F5: variants seen among roughly 807,000 people sequenced by gnomAD.
F5 encodes the protein activated protein c cofactor.
F5 carries 138 observed loss-of-function variants against 216.4 expected under a neutral mutation model. The ratio of observed to expected loss-of-function variants is 0.64; its 90% CI spans 0.56 to 0.73. F5 has a LOEUF of 0.73. Ranked by LOEUF, F5 falls within the 30% of genes least tolerant of loss-of-function variation. The pLI is 0.00. For missense variants in F5, 2,403 were observed against 2,674.0 expected (o/e 0.90, Z 2.24); for synonymous variants, 916 against 930.7 (o/e 0.98, Z 0.29).
At chr1:169,582,828 T>C (rs1020919030) in intron 1 of F5, among the ~76,000 whole-genome samples, 1 of 152,216 alleles carries the variant, frequency 6.6e-6, no homozygotes, top group Non-Finnish European at 1.5e-5. Context: ...AAACTGTAGG[T>C]TTAGATTTTA....
chr1:169,532,794 C>T (rs10919184), intron 14 of F5, among the ~76,000 whole-genome samples: 8,235 of 152,190 alleles, frequency 0.054, 345 homozygotes, highest in Admixed American at 0.1. Context: ...TTAAAATAGC[C>T]ATTGTGCCCA....
chr1:169,526,120 T>G, intron 17 of F5, 103 bp from the exon 18 acceptor site: 2 of 795,100 alleles, frequency 2.5e-6, no homozygotes, highest in South Asian at 2.8e-5. Flanking sequence ...CAAGAGGCTT[T>G]CAAATAGAAT....
intron 1 of F5, among the ~76,000 whole-genome samples, chr1:169,585,654 A>G (rs1018278506): frequency 2.6e-5 from 4 of 152,224 alleles, no homozygotes; most frequent in African/African-American, 9.6e-5. Flanking sequence ...TCAATAGGAT[A>G]AATAAGTCAA....
intron 4 of F5, 57 bp from the exon 5 acceptor site, chr1:169,559,353 T>G: frequency 6.3e-7 from 1 of 1,577,452 alleles, no homozygotes. Context: ...GCTCATTAGC[T>G]TTCCTGGATA....
chr1:169,516,387 G>A lies in F5; in HGVS notation c.6346-761C>T, dbSNP rs114401785. 2.5e-3 allele frequency among the ~76,000 whole-genome samples: 381 copies of A among 152,170 alleles called. 1 individual carries two copies. Among genetic ancestry groups the A allele is most frequent in the African/African-American group, 8.6e-3 (358 of 41,532 alleles). ...AATTTTTACCTTTGGGAGATTTATCGTCTACCATAACCTCATTCAATTCTA... is the reference window on the plus strand; with the variant it reads ...AATTTTTACCTTTGGGAGATTTATCATCTACCATAACCTCATTCAATTCTA... On this transcript the variant is annotated intron_variant, in intron 23 of 24. Transcript: ENST00000367797.
chr1:169,567,542 C>CT (rs35544182), intron 3 of F5, among the ~76,000 whole-genome samples: 154 of 141,412 alleles, frequency 1.1e-3, no homozygotes, highest in Middle Eastern at 3.8e-3. Flanking sequence ...GGTAAAAGTA[C>CT]TTTTTTTTTT....
Position 169,530,823 on chromosome 1 carries a change from G to T in F5, c.5171C>A (p.Ala1724Asp). The T allele has an allele frequency of 6.2e-7, 1 of 1,613,904 alleles. No individual in the cohort carries two copies. Among genetic ancestry groups the T allele is most frequent in the Non-Finnish European group, 8.5e-7 (1 of 1,179,810 alleles). The change falls in exon 15 of 25, where the codon GCC becomes GAC. Residue 1724 changes from alanine (A) to aspartate (D), a missense_variant. By Grantham distance (126) the Ala-to-Asp change is moderately radical. This residue lies in a region of F5 where 659 missense variants were observed against 787.9 expected (regional missense o/e 0.84). Transcript: ENST00000367797. The part of the protein sequence containing the change: ...ERSGPESPGS[A>D]CRAWAYYSAV... ...TGAGTAGTAGGCCCAAGCCCGACAG[G>T]CAGAGCCAGGACTTTCTGGCCCTGA...
At chr1:169,539,882 CTAAACAAGTA>C (rs1312184890) in intron 13 of F5, among the ~76,000 whole-genome samples, 1 of 152,140 alleles carries the variant, frequency 6.6e-6, no homozygotes, top group Non-Finnish European at 1.5e-5. Context: ...AAATTCTGAT[CTAAACAAGTA>C]AATGCAAAAA....
At chr1:169,562,542 T>C (rs1356800820) in intron 3 of F5, among the ~76,000 whole-genome samples, 1 of 151,984 alleles carries the variant, frequency 6.6e-6, no homozygotes, top group Non-Finnish European at 1.5e-5. Context: ...CTGGTCTTTA[T>C]TCCTTTTCCC....
chr1:169,564,072 A>T (rs185145331), intron 3 of F5, among the ~76,000 whole-genome samples: 157 of 152,144 alleles, frequency 1.0e-3, no homozygotes, highest in Non-Finnish European at 1.9e-3. Context: ...GTCTAATTTT[A>T]TCCACCCACT....
chr1:169,586,381 G>T lies in F5; in HGVS notation c.6C>A (p.Phe2Leu). The T allele has an allele frequency of 3.1e-6, 5 of 1,613,054 alleles. No homozygotes were observed. The highest frequency in any genetic ancestry group is 4.2e-6 in the Non-Finnish European group (5 of 1,179,894). Residue 2 changes from phenylalanine (F) to leucine (L), a missense_variant, in exon 1 of 25, where the codon TTC becomes TTA. By Grantham distance (22) the Phe-to-Leu change is conservative (BLOSUM62 0). This residue lies in a region of F5 where 1,425 missense variants were observed against 1,554.8 expected (regional missense o/e 0.92). Coordinates refer to ENST00000367797, the MANE Select transcript of F5 (RefSeq NM_000130.5). ...GGACCCAGAGGCGTGGGCAGCCTGGGAACATGCTTCCTTTCCTGCTCCCGC... is the reference window on the plus strand; with the variant it reads ...GGACCCAGAGGCGTGGGCAGCCTGGTAACATGCTTCCTTTCCTGCTCCCGC... M[F>L]PGCPRLWVLV...
intron 11 of F5, 107 bp downstream of exon 11, chr1:169,546,335 G>A: frequency 1.5e-6 from 2 of 1,318,508 alleles, no homozygotes; most frequent in Non-Finnish European, 2.1e-6. Context: ...AGGATTGGAG[G>A]TGCCCCTTAG....
rs1355756377 is a variant in F5 at position 169,540,797 on chromosome 1, T to A, written c.4293A>T (p.Pro1431=). 1.9e-6 allele frequency: 3 copies of A among 1,613,876 alleles called. No homozygotes were observed. The South Asian group carries it at 3.3e-5, about 18-fold the overall frequency. ...GAGAGAGAGTCACCTGGCTGAGGTC[T>A]GGGGAAAGGGACATCTGACCAAAGT... The part of the protein sequence containing the change: ...SPNFGQMSLS[P]DLSQVTLSPD... Residue 1431 remains proline, a synonymous_variant, in exon 13 of 25, where the codon CCA becomes CCT. Transcript: ENST00000367797.
chr1:169,561,147 T>C (rs1382740415), intron 3 of F5, among the ~76,000 whole-genome samples: 2 of 152,162 alleles, frequency 1.3e-5, no homozygotes, highest in Non-Finnish European at 2.9e-5. Context: ...ACTTAGCCTA[T>C]TAACATGAGA....
Position 169,542,700 on chromosome 1 carries a change from G to T in F5, c.2390C>A (p.Ala797Asp), listed in dbSNP as rs1659896483. The stretch of plus-strand genomic sequence containing the variant: ...TGTGGTGGCTTGTTGGTGAGAAGGG[G>T]CTTTCTGAGGTTCTGCAAGGTTATT... ...TVNNLAEPQK[A>D]PSHQQATTAG... is the part of the protein sequence containing the mutation. The change falls in exon 13 of 25, where the codon GCC becomes GAC. Residue 797 changes from alanine (A) to aspartate (D), a missense_variant. Transcript: ENST00000367797. 1.9e-6 allele frequency: 3 copies of T among 1,613,988 alleles called. No homozygotes were observed. The highest frequency in any genetic ancestry group is 2.5e-6 in the Non-Finnish European group (3 of 1,180,000).
chr1:169,548,669 A>G (rs1473851822), intron 10 of F5, among the ~76,000 whole-genome samples: 1 of 152,066 alleles, frequency 6.6e-6, no homozygotes, highest in Non-Finnish European at 1.5e-5. Context: ...GGAGTTCGAG[A>G]CCAGCCTAGC....
chr1:169,585,597 A>G (rs923692218), intron 1 of F5, among the ~76,000 whole-genome samples: 1 of 152,224 alleles, frequency 6.6e-6, no homozygotes, highest in Non-Finnish European at 1.5e-5. Flanking sequence ...GGTAAACCAT[A>G]TCCCAGGACA....
chr1:169,562,161 C>T (rs1660498652), intron 3 of F5, among the ~76,000 whole-genome samples: 1 of 152,138 alleles, frequency 6.6e-6, no homozygotes, highest in Non-Finnish European at 1.5e-5. Context: ...AGAGTTCCAT[C>T]ATTCCAAAAC....
intron 9 of F5, 84 bp from the exon 10 acceptor site, chr1:169,550,099 C>A: frequency 1.9e-6 from 2 of 1,060,528 alleles, no homozygotes; most frequent in East Asian, 2.5e-5. Flanking sequence ...TCGCTGGAAC[C>A]AATTAATATT....
Sources: allele counts gnomAD v4.1 joint callset (sites outside exome capture counted in the v4.1 genomes callset), GRCh38; gene constraint gnomAD v4.1.1; regional missense constraint gnomAD v4.1.1; transcripts MANE v1.5; gene names NCBI Gene and HGNC (gene_info 2026-07-23, HGNC 2026-07-21).